Variants in FOXN3 observed in about 807,000 individuals in gnomAD.
The protein encoded by FOXN3 is forkhead box protein N3.
Under a neutral mutation model 38.4 loss-of-function variants are expected in FOXN3, and 7 were observed. The observed-to-expected ratio is 0.18, with a 90% CI of 0.10 to 0.34. The LOEUF is 0.34. Ranked by LOEUF, FOXN3 falls within the 10% of genes least tolerant of loss-of-function variation. The pLI, the probability that FOXN3 is intolerant of heterozygous loss-of-function variation, is 1.00. For missense variants in FOXN3, 456 were observed against 613.4 expected, an observed-to-expected ratio of 0.74 and a Z score of 2.71; for synonymous variants, 230 against 242.2, an observed-to-expected ratio of 0.95 and a Z score of 0.47.
At chr14:89,393,563 A>G (rs1016165378) in intron 2 of FOXN3, among the ~76,000 whole-genome samples, 3 of 152,206 alleles carry the variant, frequency 2.0e-5, no homozygotes, top group Admixed American at 1.3e-4. Flanking sequence ...TCCCATGGCC[A>G]CATGGCGGCC....
intron 1 of FOXN3, among the ~76,000 whole-genome samples, chr14:89,568,328 A>G (rs1403563558): frequency 6.6e-6 from 1 of 152,072 alleles, no homozygotes; most frequent in Non-Finnish European, 1.5e-5. Flanking sequence ...CTCTGAATAG[A>G]AACCTGACCA....
chr14:89,547,035 G>C (rs746678543), intron 1 of FOXN3, among the ~76,000 whole-genome samples: 1 of 150,894 alleles, frequency 6.6e-6, no homozygotes, highest in Non-Finnish European at 1.5e-5. Flanking sequence ...TCCACCCGCC[G>C]CAGCCTCCCA....
intron 5 of FOXN3, among the ~76,000 whole-genome samples, chr14:89,180,171 C>T (rs1489269509): frequency 1.3e-5 from 2 of 152,204 alleles, no homozygotes; most frequent in East Asian, 3.8e-4. Context: ...AGGGTTCATG[C>T]GGTTTGGCAG....
intron 1 of FOXN3, among the ~76,000 whole-genome samples, chr14:89,614,001 G>C (rs994403255): frequency 1.3e-5 from 2 of 152,182 alleles, no homozygotes; most frequent in East Asian, 1.9e-4. Context: ...GACAGCTTCT[G>C]GGATGTAAGG....
intron 1 of FOXN3, among the ~76,000 whole-genome samples, chr14:89,612,736 TTGAGCCCAAGAGTTCGAGGCTGCAG>T (rs1248630199): frequency 2.0e-5 from 3 of 151,760 alleles, no homozygotes; most frequent in Non-Finnish European, 4.4e-5. Context: ...CGAGGCTGCA[TTGAGCCCAAGAGTTCGAGGCTGCAG>T]TGAGCCCTGA....
chr14:89,386,819 T>G (rs887724123), intron 2 of FOXN3, among the ~76,000 whole-genome samples: 4 of 152,180 alleles, frequency 2.6e-5, no homozygotes, highest in Non-Finnish European at 5.9e-5. Flanking sequence ...TGTGTGCTCA[T>G]GGGGACTGCC....
In FOXN3 at chr14:89,337,437, G is replaced by A. The variant is rs1329826810; in HGVS notation, c.680+13235C>T. Among the ~76,000 whole-genome samples the A allele has an allele frequency of 2.0e-5, 3 of 152,224 alleles. No individual in the cohort carries two copies. In the South Asian group the frequency reaches 6.2e-4, roughly 32 times the overall value. ...GAGAAAGAACACAATTGAGTGTTTG[G>A]GCTGGCCTGGGGTGAAAACTTTTCC... On this transcript the variant is annotated intron_variant, in intron 3 of 5. Transcript: ENST00000557258.
chr14:89,404,921 C>T (rs561560949), intron 2 of FOXN3, among the ~76,000 whole-genome samples: 1 of 152,202 alleles, frequency 6.6e-6, no homozygotes, highest in Admixed American at 6.5e-5. Context: ...CCAGACCACA[C>T]TGTCTTCCAA....
intron 4 of FOXN3, among the ~76,000 whole-genome samples, chr14:89,210,046 C>T (rs915734908): frequency 1.3e-5 from 2 of 152,188 alleles, no homozygotes; most frequent in Admixed American, 1.3e-4. Flanking sequence ...AAAATATGTG[C>T]CTACTTTTCA....
At chr14:89,597,611 T>C (rs1896083601) in intron 1 of FOXN3, among the ~76,000 whole-genome samples, 1 of 152,102 alleles carries the variant, frequency 6.6e-6, no homozygotes, top group African/African-American at 2.4e-5. Flanking sequence ...TAATTGTGTG[T>C]GTGTGTGAGA....
At chr14:89,447,218 C>T (rs974193305) in intron 1 of FOXN3, among the ~76,000 whole-genome samples, 16 of 137,544 alleles carry the variant, frequency 1.2e-4, no homozygotes, top group Non-Finnish European at 1.9e-4. Context: ...AAAAAAAAAA[C>T]GAATTCCTAA....
intron 1 of FOXN3, among the ~76,000 whole-genome samples, chr14:89,480,199 G>A (rs570621390): frequency 2.0e-5 from 3 of 152,202 alleles, no homozygotes; most frequent in South Asian, 2.1e-4. Context: ...TCAGCAGATC[G>A]AGACCATCCT....
At chr14:89,449,665 C>T (rs1037598654) in intron 1 of FOXN3, among the ~76,000 whole-genome samples, 1 of 152,140 alleles carries the variant, frequency 6.6e-6, no homozygotes, top group African/African-American at 2.4e-5. Context: ...AGGAGGCCAA[C>T]TTATAGGACA....
intron 1 of FOXN3, among the ~76,000 whole-genome samples, chr14:89,587,704 C>T (rs1287031263): frequency 6.6e-6 from 1 of 151,794 alleles, no homozygotes; most frequent in Non-Finnish European, 1.5e-5. Context: ...CTCGTCTCTA[C>T]TAAAATACAA....
At chr14:89,329,441 G>A (rs959358920) in intron 3 of FOXN3, among the ~76,000 whole-genome samples, 1 of 152,178 alleles carries the variant, frequency 6.6e-6, no homozygotes, top group Non-Finnish European at 1.5e-5. Flanking sequence ...GGCAATATCT[G>A]CAGACGTTTT....
intron 1 of FOXN3, among the ~76,000 whole-genome samples, chr14:89,553,995 C>G (rs994836163): frequency 6.6e-6 from 1 of 151,962 alleles, no homozygotes; most frequent in Non-Finnish European, 1.5e-5. Context: ...CTTTCTTCTT[C>G]GTTTTTTTTG....
At chr14:89,585,192 A>G (rs1895818877) in intron 1 of FOXN3, among the ~76,000 whole-genome samples, 3 of 152,144 alleles carry the variant, frequency 2.0e-5, no homozygotes, top group Admixed American at 2.0e-4. Context: ...CCTTCGCTTT[A>G]AATAACTTAA....
At chr14:89,417,728 G>A (rs1025273270), upstream of FOXN3, 1 of 456,028 alleles carries the variant, frequency 2.2e-6, no homozygotes, top group African/African-American at 2.0e-5. Flanking sequence ...CGTCTCCCCA[G>A]TGCTGCGTCC....
intron 1 of FOXN3, among the ~76,000 whole-genome samples, chr14:89,534,763 C>T (rs185064103): frequency 6.6e-6 from 1 of 152,298 alleles, no homozygotes; most frequent in African/African-American, 2.4e-5. Context: ...CCAGGTGATT[C>T]CAACGTGCAT....
Sources: allele counts gnomAD v4.1 joint callset (sites outside exome capture counted in the v4.1 genomes callset), GRCh38; gene constraint gnomAD v4.1.1; transcripts MANE v1.5; gene names NCBI Gene and HGNC (gene_info 2026-07-23, HGNC 2026-07-21).